The following ESRRG variants were observed in gnomAD, a reference collection of about 807,000 sequenced individuals.
The protein encoded by ESRRG is estrogen-related receptor gamma.
ESRRG carries 13 observed loss-of-function variants against 44.0 expected under a neutral mutation model. The ratio of observed to expected loss-of-function variants is 0.30; its 90% CI spans 0.19 to 0.47. ESRRG has a LOEUF of 0.47. ESRRG is among the 20% of genes least tolerant of loss of function. The pLI, the probability that ESRRG is intolerant of heterozygous loss-of-function variation, is 1.00. For synonymous variants in ESRRG, 215 were observed against 214.6 expected (o/e 1.00, Z -0.02); for missense variants, 395 against 580.6 (o/e 0.68, Z 3.29).
intron 1 of ESRRG, among the ~76,000 whole-genome samples, chr1:216,687,590 T>C (rs1395560112): frequency 1.3e-5 from 2 of 152,174 alleles, no homozygotes; most frequent in Non-Finnish European, 2.9e-5. Context: ...GATCTGAGAA[T>C]CTGGATGCAA....
intron 5 of ESRRG, among the ~76,000 whole-genome samples, chr1:216,542,630 C>T (rs1459097722): frequency 1.3e-5 from 2 of 152,062 alleles, no homozygotes; most frequent in South Asian, 2.1e-4. Flanking sequence ...TTTTTTTAAA[C>T]TTTCACATTT....
chr1:217,099,488 A>T (rs830317), intron 1 of ESRRG, among the ~76,000 whole-genome samples: 105,724 of 152,030 alleles, frequency 0.7, 38,518 homozygotes, highest in East Asian at 0.85. Flanking sequence ...TTCCAACAGT[A>T]TCTATGAAAT....
chr1:216,922,884 A>T, intron 2 of ESRRG, among the ~76,000 whole-genome samples: 1 of 152,166 alleles, frequency 6.6e-6, no homozygotes, highest in East Asian at 1.9e-4. Flanking sequence ...TTGACACCCC[A>T]GTCTTCCCTA....
Position 216,877,495 on chromosome 1 carries a change from C to T in ESRRG, c.-14+62087G>A, listed in dbSNP as rs2096376043. On this transcript the variant is annotated intron_variant, in intron 2 of 7. Coordinates refer to the ESRRG transcript ENST00000359162. ...CTCGGCTCAGTGCAACCTCTGCCTCCCAGATTCAAGCAATTCTCCTGCCTC... is the reference window on the plus strand; with the variant it reads ...CTCGGCTCAGTGCAACCTCTGCCTCTCAGATTCAAGCAATTCTCCTGCCTC... Among the ~76,000 whole-genome samples the T allele has an allele frequency of 2.0e-5, 3 of 152,010 alleles. No homozygotes were observed. The South Asian group carries it at 6.2e-4, about 32-fold the overall frequency.
Position 216,518,784 on chromosome 1 carries a change from T to C in ESRRG, c.1132+368A>G, listed in dbSNP as rs11572820. Among the ~76,000 whole-genome samples the C allele has an allele frequency of 1.2e-3, 188 of 152,238 alleles. 3 individuals are homozygous for C. In the East Asian group the frequency reaches 0.029, roughly 24 times the overall value. On this transcript the variant is annotated intron_variant, in intron 6 of 6. Transcript: ENST00000408911. ...ACAATTTGCATTTTTGAGGGAAAAA[T>C]GGTTTGTGTGTATCAACAATTCCCT...
chr1:216,648,665 A>G (rs1464065658), intron 3 of ESRRG, among the ~76,000 whole-genome samples: 2 of 152,228 alleles, frequency 1.3e-5, no homozygotes, highest in Non-Finnish European at 2.9e-5. Flanking sequence ...GCAGTAAATC[A>G]AGTTAATAAA....
intron 2 of ESRRG, among the ~76,000 whole-genome samples, chr1:216,925,634 CT>C (rs2062446784): frequency 1.3e-5 from 2 of 151,858 alleles, no homozygotes; most frequent in Non-Finnish European, 2.9e-5. Flanking sequence ...CGGAATGCTC[CT>C]TCTTTTCCTG....
chr1:216,577,554 ACCCCATGGGGATGC>A (rs901676669), intron 3 of ESRRG, among the ~76,000 whole-genome samples: 20 of 151,972 alleles, frequency 1.3e-4, no homozygotes, highest in African/African-American at 4.6e-4. Flanking sequence ...AGTGCACAGC[ACCCCATGGGGATGC>A]TCTGTATAAA....
intron 1 of ESRRG, among the ~76,000 whole-genome samples, chr1:217,116,342 A>G (rs1476093673): frequency 2.6e-5 from 4 of 152,216 alleles, no homozygotes; most frequent in Non-Finnish European, 5.9e-5. Context: ...TTCAAACCAA[A>G]CTATTAACAA....
At chr1:216,787,884 G>GT (rs59217090) in intron 2 of ESRRG, among the ~76,000 whole-genome samples, 2,653 of 152,218 alleles carry the variant, frequency 0.017, 85 homozygotes, top group African/African-American at 0.059. Context: ...CATGGAGAAA[G>GT]TTTGAGTGCC....
chr1:216,627,717 A>T (rs1270800942), intron 3 of ESRRG, among the ~76,000 whole-genome samples: 3 of 152,198 alleles, frequency 2.0e-5, no homozygotes, highest in Non-Finnish European at 4.4e-5. Context: ...ATAAAAGGCA[A>T]ATGATTATTT....
chr1:216,769,705 G>T lies in ESRRG; in HGVS notation c.-13-92214C>A, dbSNP rs557525959. On this transcript the variant is annotated intron_variant, in intron 2 of 7. Coordinates refer to the ESRRG transcript ENST00000359162. Reference sequence around the variant, plus strand: ...CACACTAGCCATAGGGATATGGCAAGATATGACAAAATCAGGAAGCAAGTT... The same window carrying T: ...CACACTAGCCATAGGGATATGGCAATATATGACAAAATCAGGAAGCAAGTT... 2.0e-3 allele frequency among the ~76,000 whole-genome samples: 306 copies of T among 152,206 alleles called. 2 individuals are homozygous for T. The highest frequency in any genetic ancestry group is 7.2e-3 in the African/African-American group (300 of 41,548).
chr1:217,100,264 C>A (rs1432569974), intron 1 of ESRRG, among the ~76,000 whole-genome samples: 3 of 152,128 alleles, frequency 2.0e-5, no homozygotes, highest in Non-Finnish European at 2.9e-5. Flanking sequence ...CATTCCCAAG[C>A]CAACTTGGGT....
intron 2 of ESRRG, among the ~76,000 whole-genome samples, chr1:216,911,010 C>T (rs2060243799): frequency 6.6e-6 from 1 of 152,074 alleles, no homozygotes; most frequent in Non-Finnish European, 1.5e-5. Flanking sequence ...TTTTTCAGTA[C>T]AGTGCACTTT....
At chr1:217,009,481 A>G (rs2078226183) in intron 1 of ESRRG, among the ~76,000 whole-genome samples, 1 of 152,148 alleles carries the variant, frequency 6.6e-6, no homozygotes. Context: ...AAAGTAAACA[A>G]TCATAAACAA....
rs552828262 is a variant in ESRRG at position 216,730,592 on chromosome 1, G to A, written c.-13-53101C>T. ...GAACTCAAGACATATTCCTGTCAATGTTATAGGAACACAATGAATATGTCT... is the reference window on the plus strand; with the variant it reads ...GAACTCAAGACATATTCCTGTCAATATTATAGGAACACAATGAATATGTCT... On this transcript the variant is annotated intron_variant, in intron 2 of 7. Transcript: ENST00000359162. 3.3e-5 allele frequency among the ~76,000 whole-genome samples: 5 copies of A among 152,226 alleles called. No homozygotes were observed. In the South Asian group the frequency reaches 1.0e-3, roughly 32 times the overall value.
intron 2 of ESRRG, among the ~76,000 whole-genome samples, chr1:216,791,876 G>A (rs1230516896): frequency 2.0e-5 from 3 of 152,116 alleles, no homozygotes; most frequent in Non-Finnish European, 4.4e-5. Context: ...AGACCTAGAT[G>A]CTGTACTAAA....
intron 2 of ESRRG, among the ~76,000 whole-genome samples, chr1:216,796,304 G>C (rs565801007): frequency 6.6e-6 from 1 of 152,222 alleles, no homozygotes; most frequent in South Asian, 2.1e-4. Context: ...TTGGGCAATT[G>C]TATATCTCCA....
At chr1:216,937,246 GAA>G (rs34207997) in intron 2 of ESRRG, among the ~76,000 whole-genome samples, 143 of 149,506 alleles carry the variant, frequency 9.6e-4, no homozygotes, top group African/African-American at 3.3e-3. Flanking sequence ...AGGAAGAGCA[GAA>G]AAAAAAAAGA....
Sources: gnomAD v4.1 joint callset for allele counts (sites outside exome capture counted in the v4.1 genomes callset) on GRCh38, gnomAD v4.1.1 for gene constraint, MANE v1.5 for transcripts, NCBI Gene and HGNC (gene_info 2026-07-23, HGNC 2026-07-21) for gene names.